Variants in AKR1C8 observed in about 807,000 individuals in gnomAD.
AKR1C8 encodes the protein aldo-keto reductase family 1 member C8.
the AKR1C8 span, among the ~76,000 whole-genome samples, chr10:5,131,671 T>TAA: frequency 6.9e-6 from 1 of 145,974 alleles, no homozygotes; most frequent in Middle Eastern, 3.4e-3. Flanking sequence ...AATTTAAAAG[T>TAA]AAAAAAAAAA....
At chr10:5,127,049 C>G in the AKR1C8 span, among the ~76,000 whole-genome samples, 4 of 151,986 alleles carry the variant, frequency 2.6e-5, no homozygotes, top group African/African-American at 9.7e-5. Context: ...TTTGTCATCC[C>G]AAAACCCTGG....
chr10:5,149,065 C>T, the AKR1C8 span, among the ~76,000 whole-genome samples: 1 of 151,792 alleles, frequency 6.6e-6, no homozygotes, highest in Non-Finnish European at 1.5e-5. Context: ...ATATATATAG[C>T]TGTTATATAT....
the AKR1C8 span, among the ~76,000 whole-genome samples, chr10:5,127,722 C>CAA: frequency 1.4e-4 from 11 of 79,650 alleles, no homozygotes; most frequent in South Asian, 9.9e-4. Context: ...AAGACTCTGT[C>CAA]AAAAAAAAAA....
chr10:5,142,621 G>A, the AKR1C8 span, among the ~76,000 whole-genome samples: 3 of 152,124 alleles, frequency 2.0e-5, no homozygotes, highest in Non-Finnish European at 4.4e-5. Context: ...CCTGAACAGA[G>A]GGAAAGAGAT....
chr10:5,148,600 T>C, the AKR1C8 span, among the ~76,000 whole-genome samples: 5 of 152,156 alleles, frequency 3.3e-5, no homozygotes, highest in Admixed American at 3.3e-4. Flanking sequence ...TGTGAGCCTC[T>C]TATTAGTGCT....
chr10:5,121,439 A>G, the AKR1C8 span, among the ~76,000 whole-genome samples: 1 of 152,180 alleles, frequency 6.6e-6, no homozygotes, highest in Non-Finnish European at 1.5e-5. Context: ...TTCATTTATC[A>G]TTCAGGTTGG....
the AKR1C8 span, among the ~76,000 whole-genome samples, chr10:5,176,639 C>A: frequency 1.3e-5 from 2 of 151,912 alleles, no homozygotes; most frequent in Non-Finnish European, 2.9e-5. Flanking sequence ...TTGTTTGTAT[C>A]CTCTTTTATT....
the AKR1C8 span, among the ~76,000 whole-genome samples, chr10:5,122,994 A>C: frequency 6.6e-6 from 1 of 152,316 alleles, no homozygotes; most frequent in East Asian, 1.9e-4. Flanking sequence ...TCATTTCAGA[A>C]AATCAAGAAA....
the AKR1C8 span, among the ~76,000 whole-genome samples, chr10:5,182,042 T>C: frequency 1.3e-5 from 2 of 152,178 alleles, no homozygotes; most frequent in South Asian, 4.1e-4. Context: ...AAATTACTGA[T>C]CATCATTTTG....
the AKR1C8 span, among the ~76,000 whole-genome samples, chr10:5,173,859 A>G: frequency 6.6e-6 from 1 of 152,102 alleles, no homozygotes; most frequent in Admixed American, 6.6e-5. Context: ...GTTTTTCTGG[A>G]AAAGGTTTTA....
At chr10:5,147,620 A>G in the AKR1C8 span, among the ~76,000 whole-genome samples, 1 of 152,088 alleles carries the variant, frequency 6.6e-6, no homozygotes, top group Non-Finnish European at 1.5e-5. Context: ...GTTCAACCTT[A>G]TAGTTCCAAG....
chr10:5,124,839 T>G, the AKR1C8 span, among the ~76,000 whole-genome samples: 159 of 152,286 alleles, frequency 1.0e-3, no homozygotes, highest in African/African-American at 3.6e-3. Flanking sequence ...TGACTAATTG[T>G]GGGGCAATCT....
the AKR1C8 span, among the ~76,000 whole-genome samples, chr10:5,169,130 G>A: frequency 6.6e-6 from 1 of 152,160 alleles, no homozygotes; most frequent in African/African-American, 2.4e-5. Flanking sequence ...CTGTGCCTGA[G>A]CTGTCTTTTC....
chr10:5,164,231 C>G, the AKR1C8 span, among the ~76,000 whole-genome samples: 3 of 152,144 alleles, frequency 2.0e-5, no homozygotes, highest in Admixed American at 6.5e-5. Context: ...CTGAGTTACA[C>G]TTTCTCCAAG....
the AKR1C8 span, chr10:5,122,167 C>T: frequency 1.0e-5 from 4 of 391,888 alleles, no homozygotes; most frequent in East Asian, 1.0e-4. Flanking sequence ...AAGTCAAAAA[C>T]CTGAAAGGCA....
At chr10:5,129,477 G>A in the AKR1C8 span, among the ~76,000 whole-genome samples, 1 of 151,860 alleles carries the variant, frequency 6.6e-6, no homozygotes, top group Non-Finnish European at 1.5e-5. Context: ...ATCAATGAAA[G>A]ATAAAGCTGG....
chr10:5,166,099 C>G, the AKR1C8 span, among the ~76,000 whole-genome samples: 42,313 of 151,912 alleles, frequency 0.28, 6,747 homozygotes, highest in Non-Finnish European at 0.36. Context: ...TTTCTCCTCC[C>G]TTGTCTAGAT....
At chr10:5,139,548 G>A in the AKR1C8 span, among the ~76,000 whole-genome samples, 1 of 152,042 alleles carries the variant, frequency 6.6e-6, no homozygotes, top group Non-Finnish European at 1.5e-5. Context: ...CAAGAAATGG[G>A]GAAAGGATTC....
chr10:5,160,921 A>AT, the AKR1C8 span: 1 of 470,492 alleles, frequency 2.1e-6, no homozygotes, highest in Non-Finnish European at 4.4e-6. Flanking sequence ...AAAGAAGGAC[A>AT]TTTTCTATGG....
Sources: gnomAD v4.1 joint callset for allele counts (sites outside exome capture counted in the v4.1 genomes callset) on GRCh38, gnomAD v4.1.1 for gene constraint, MANE v1.5 for transcripts, NCBI Gene and HGNC (gene_info 2026-07-23, HGNC 2026-07-21) for gene names.